HECW2: variants seen among roughly 807,000 people sequenced by gnomAD.
HECW2 encodes E3 ubiquitin-protein ligase HECW2.
Under a neutral mutation model 175.2 loss-of-function variants are expected in HECW2, and 61 were observed. The ratio of observed to expected loss-of-function variants is 0.35; its 90% CI spans 0.28 to 0.43. The LOEUF (loss-of-function observed/expected upper bound fraction) is 0.43, where lower values mean the gene tolerates loss of function less well. Among genes scored for constraint, HECW2 ranks in the 20% least tolerant of loss-of-function variants. The pLI is 1.00. For synonymous variants in HECW2, 671 were observed against 731.0 expected (o/e 0.92, Z 1.32); for missense variants, 1,524 against 2,000.5 (o/e 0.76, Z 4.54).
At chr2:196,531,758 A>G (rs1688848488) in intron 1 of HECW2, among the ~76,000 whole-genome samples, 1 of 151,986 alleles carries the variant, frequency 6.6e-6, no homozygotes, top group South Asian at 2.1e-4. Flanking sequence ...AGAATACTTT[A>G]CCACCTCTTA....
intron 2 of HECW2, among the ~76,000 whole-genome samples, chr2:196,348,465 AG>A (rs1447069633): frequency 6.6e-6 from 1 of 152,042 alleles, no homozygotes; most frequent in Non-Finnish European, 1.5e-5. Context: ...CAACACAACA[AG>A]ACCCTGTCTC....
intron 1 of HECW2, chr2:196,592,820 G>C (rs1301597301): frequency 4.0e-5 from 6 of 150,864 alleles, no homozygotes; most frequent in Non-Finnish European, 7.4e-5. Flanking sequence ...ACCCGGCCGC[G>C]GGGCGGGAGG....
intron 6 of HECW2, among the ~76,000 whole-genome samples, chr2:196,323,927 T>G (rs986843657): frequency 3.4e-5 from 5 of 149,148 alleles, no homozygotes; most frequent in African/African-American, 7.3e-5. Context: ...TTGTTTTTTT[T>G]TTTTTTTTTT....
At chr2:196,243,413 T>C (rs1023163968) in intron 19 of HECW2, among the ~76,000 whole-genome samples, 8 of 151,704 alleles carry the variant, frequency 5.3e-5, no homozygotes, top group Non-Finnish European at 1.2e-4. Flanking sequence ...GTAATCCACC[T>C]GCCTTGGCCT....
intron 13 of HECW2, among the ~76,000 whole-genome samples, chr2:196,305,702 C>T (rs181155740): frequency 1.2e-4 from 18 of 152,210 alleles, no homozygotes; most frequent in Middle Eastern, 3.4e-3. Context: ...TTCTATTCTG[C>T]CTACTTACCC....
chr2:196,575,443 A>C, intron 1 of HECW2, among the ~76,000 whole-genome samples: 1 of 152,176 alleles, frequency 6.6e-6, no homozygotes, highest in Non-Finnish European at 1.5e-5. Flanking sequence ...TTAGTATCTC[A>C]AAAAGACATC....
intron 1 of HECW2, among the ~76,000 whole-genome samples, chr2:196,488,629 TACACACACACAC>T (rs139434140): frequency 0.058 from 8,590 of 147,162 alleles, 828 homozygotes; most frequent in African/African-American, 0.2. Context: ...GAAGAATGAA[TACACACACACAC>T]ACACACACAC....
chr2:196,378,830 AAC>A (rs1156773399), intron 2 of HECW2, among the ~76,000 whole-genome samples: 1 of 152,214 alleles, frequency 6.6e-6, no homozygotes, highest in Non-Finnish European at 1.5e-5. Context: ...ATCAATGAGA[AAC>A]ATTCTAACGA....
At position 196,319,465 on chromosome 2, in the gene HECW2, G is replaced by A. The variant is rs376841173; in HGVS notation, c.1425C>T (p.Asp475=). The A allele has an allele frequency of 6.2e-7, 1 of 1,613,944 alleles. No individual in the cohort carries two copies. The highest frequency in any genetic ancestry group is 1.3e-5 in the African/African-American group (1 of 74,930). ...SDEEDHEFQQ[D]LGYPSSLEEE... is the part of the protein sequence containing the mutation. ...CCTCCAAGGAAGATGGGTAACCCAG[G>A]TCTTGCTGGAACTCGTGATCTTCTT... Residue 475 remains aspartate (D), a synonymous_variant, in exon 9 of 29, where the codon GAC becomes GAT. Coordinates refer to ENST00000644978, the MANE Select transcript of HECW2 (RefSeq NM_001348768.2).
chr2:196,287,066 G>A (rs11898696), intron 14 of HECW2, among the ~76,000 whole-genome samples: 14 of 152,160 alleles, frequency 9.2e-5, no homozygotes, highest in African/African-American at 3.4e-4. Flanking sequence ...AATAGGCTCA[G>A]CCTGTGGTAC....
At chr2:196,297,625 A>G (rs1690868067) in intron 13 of HECW2, among the ~76,000 whole-genome samples, 1 of 152,214 alleles carries the variant, frequency 6.6e-6, no homozygotes. Flanking sequence ...AAACATAGTT[A>G]AGTACATTAC....
At chr2:196,315,161 T>C (rs1179819181) in intron 10 of HECW2, among the ~76,000 whole-genome samples, 2 of 143,834 alleles carry the variant, frequency 1.4e-5, no homozygotes, top group African/African-American at 5.0e-5. Flanking sequence ...TGTGTGTGTG[T>C]GTGTGTGTGT....
chr2:196,502,189 C>A (rs1278859352), intron 1 of HECW2, among the ~76,000 whole-genome samples: 1 of 152,166 alleles, frequency 6.6e-6, no homozygotes, highest in East Asian at 1.9e-4. Flanking sequence ...CAATCAACAA[C>A]AATTACAACA....
intron 1 of HECW2, among the ~76,000 whole-genome samples, chr2:196,590,537 G>A (rs1419733955): frequency 6.6e-6 from 1 of 152,190 alleles, no homozygotes; most frequent in African/African-American, 2.4e-5. Context: ...GCAAGCCCCA[G>A]GCGAGAAGCC....
rs562746229 is a variant in HECW2, at chr2:196,365,168, A to C, written c.293-21404T>G. The stretch of plus-strand genomic sequence containing the variant: ...CACAATTAAAGACATCACTTAACTA[A>C]AGTAGCTCATTCCCCAAAGCTCGCA... On this transcript the variant is annotated intron_variant, in intron 2 of 28. Coordinates refer to ENST00000644978, the MANE Select transcript of HECW2 (RefSeq NM_001348768.2). 9.8e-5 allele frequency among the ~76,000 whole-genome samples: 15 copies of C among 152,334 alleles called. No individual in the cohort carries two copies. The South Asian group carries it at 2.9e-3, about 29-fold the overall frequency.
chr2:196,380,908 C>T (rs1393711638), intron 2 of HECW2, among the ~76,000 whole-genome samples: 2 of 152,158 alleles, frequency 1.3e-5, no homozygotes, highest in Non-Finnish European at 2.9e-5. Context: ...TACTTGAAAG[C>T]TTTTGGCTGA....
intron 1 of HECW2, among the ~76,000 whole-genome samples, chr2:196,462,199 A>T (rs999225602): frequency 2.0e-5 from 3 of 152,182 alleles, no homozygotes; most frequent in Non-Finnish European, 2.9e-5. Context: ...GTTATTTTTT[A>T]TGTAATCATT....
At chr2:196,245,002 A>T (rs1428004958) in intron 19 of HECW2, among the ~76,000 whole-genome samples, 2 of 152,192 alleles carry the variant, frequency 1.3e-5, no homozygotes, top group Non-Finnish European at 2.9e-5. Flanking sequence ...TGAGTAAATT[A>T]AGGGTGGGCA....
At chr2:196,260,462 G>T (rs1689244325) in intron 17 of HECW2, 1 of 152,218 alleles carries the variant, frequency 6.6e-6, no homozygotes, top group South Asian at 2.1e-4. Context: ...ACCACACGCT[G>T]GGAATCCAAT....
Sources: allele counts gnomAD v4.1 joint callset (sites outside exome capture counted in the v4.1 genomes callset), GRCh38; gene constraint gnomAD v4.1.1; transcripts MANE v1.5; gene names NCBI Gene and HGNC (gene_info 2026-07-23, HGNC 2026-07-21).